NBAS: variants seen among roughly 807,000 people sequenced by gnomAD.
NBAS encodes the protein NAG/BC035112 fusion.
A neutral mutation model predicts 302.5 loss-of-function variants in NBAS; 219 were observed. The ratio of observed to expected loss-of-function variants is 0.72; its 90% CI spans 0.65 to 0.81. The LOEUF (loss-of-function observed/expected upper bound fraction) is 0.81. Among genes scored for constraint, NBAS ranks in the 30% least tolerant of loss-of-function variants. NBAS has a pLI of 0.00. For synonymous variants in NBAS, 1,118 were observed against 1,021.6 expected (o/e 1.09, Z -1.80); for missense variants, 2,932 against 2,841.6 (o/e 1.03, Z -0.72).
the NBAS span, among the ~76,000 whole-genome samples, chr2:14,950,927 C>G: frequency 1.3e-5 from 2 of 152,154 alleles, no homozygotes; most frequent in Non-Finnish European, 2.9e-5. Context: ...CTTGAAGAAA[C>G]AGCTCCCCCT....
At chr2:14,971,577 G>A in the NBAS span, among the ~76,000 whole-genome samples, 348 of 152,112 alleles carry the variant, frequency 2.3e-3, no homozygotes, top group African/African-American at 8.1e-3. Flanking sequence ...AAATCCCTTC[G>A]TTTTCCCTTT....
At chr2:15,486,636 C>T (rs571866722) in intron 12 of NBAS, among the ~76,000 whole-genome samples, 2 of 152,180 alleles carry the variant, frequency 1.3e-5, no homozygotes, top group Non-Finnish European at 2.9e-5. Context: ...TGAGGTCCCC[C>T]CCTTTCCCTT....
chr2:15,208,522 T>C (rs1035070768), intron 48 of NBAS, among the ~76,000 whole-genome samples: 4 of 152,138 alleles, frequency 2.6e-5, no homozygotes, highest in African/African-American at 4.8e-5. Flanking sequence ...CGAAGAAACA[T>C]TGGATTTAAT....
At chr2:15,254,424 T>C (rs1226285028) in intron 44 of NBAS, among the ~76,000 whole-genome samples, 1 of 152,160 alleles carries the variant, frequency 6.6e-6, no homozygotes, top group Non-Finnish European at 1.5e-5. Context: ...GGGTCTCCGT[T>C]TGTGCAGTGG....
At chr2:15,535,874 A>T (rs539033869) in intron 8 of NBAS, among the ~76,000 whole-genome samples, 1 of 152,316 alleles carries the variant, frequency 6.6e-6, no homozygotes, top group Admixed American at 6.5e-5. Context: ...CTAATCTGTG[A>T]TTTTAAAAAA....
chr2:14,794,055 A>G, the NBAS span, among the ~76,000 whole-genome samples: 1 of 152,212 alleles, frequency 6.6e-6, no homozygotes, highest in East Asian at 1.9e-4. Context: ...CTGCCTAAAA[A>G]AAATTCTTCA....
the NBAS span, among the ~76,000 whole-genome samples, chr2:14,784,175 T>C: frequency 3.3e-5 from 5 of 152,216 alleles, no homozygotes; most frequent in Non-Finnish European, 7.3e-5. Flanking sequence ...GTTGTTTTTT[T>C]CTTGTAAATT....
chr2:14,880,671 G>A, the NBAS span, among the ~76,000 whole-genome samples: 1 of 151,778 alleles, frequency 6.6e-6, no homozygotes, highest in Non-Finnish European at 1.5e-5. Context: ...AAAGAAATCT[G>A]AAAATAAGAG....
intron 21 of NBAS, among the ~76,000 whole-genome samples, chr2:15,438,430 G>A (rs1350886020): frequency 1.3e-5 from 2 of 152,282 alleles, no homozygotes; most frequent in Non-Finnish European, 2.9e-5. Flanking sequence ...CACTAAAAGA[G>A]AACTTCTGCT....
the NBAS span, among the ~76,000 whole-genome samples, chr2:14,960,974 A>C: frequency 6.6e-6 from 1 of 152,166 alleles, no homozygotes; most frequent in Non-Finnish European, 1.5e-5. Flanking sequence ...TGACAGCAGC[A>C]GACTTAAGGA....
At chr2:15,350,067 C>G (rs182010125) in intron 35 of NBAS, among the ~76,000 whole-genome samples, 29 of 151,926 alleles carry the variant, frequency 1.9e-4, no homozygotes, top group Non-Finnish European at 3.1e-4. Flanking sequence ...GGAATACACA[C>G]GCATATTAGA....
At chr2:15,209,626 C>T (rs1430202130) in intron 48 of NBAS, among the ~76,000 whole-genome samples, 2 of 152,016 alleles carry the variant, frequency 1.3e-5, no homozygotes, top group Non-Finnish European at 2.9e-5. Context: ...AAAAACAATC[C>T]TAAACTTTAT....
chr2:15,478,104 T>C (rs951481794), intron 13 of NBAS, 122 bp downstream of exon 13: 1 of 708,400 alleles, frequency 1.4e-6, no homozygotes. Flanking sequence ...CTCTATGAAA[T>C]CTTGATGTTT....
In NBAS at chr2:15,190,246, T is replaced by C. The variant is rs372815106; in HGVS notation, c.6572+18A>G. On this transcript the variant is annotated intron_variant, in intron 49 of 51. Transcript: ENST00000281513. ...AACAAAAGAACTCTAATTACGCTAA[T>C]TTTATGTTAATACTTACACATATTC... 9.0e-5 allele frequency: 145 copies of C among 1,613,416 alleles called. No homozygotes were observed. The African/African-American group carries it at 1.6e-3, about 18-fold the overall frequency.
chr2:15,012,008 T>C, the NBAS span, among the ~76,000 whole-genome samples: 1 of 151,830 alleles, frequency 6.6e-6, no homozygotes, highest in Non-Finnish European at 1.5e-5. Context: ...ACATCAAACA[T>C]GAAAAAGCAA....
At chr2:14,967,055 T>C in the NBAS span, among the ~76,000 whole-genome samples, 1 of 152,170 alleles carries the variant, frequency 6.6e-6, no homozygotes, top group Non-Finnish European at 1.5e-5. Flanking sequence ...ATTAATAGCG[T>C]AGAAATTATG....
chr2:14,784,945 C>A, the NBAS span, among the ~76,000 whole-genome samples: 6 of 152,156 alleles, frequency 3.9e-5, no homozygotes, highest in South Asian at 2.1e-4. Context: ...TTCTTCCTAC[C>A]CATGAGCATG....
intron 42 of NBAS, among the ~76,000 whole-genome samples, chr2:15,279,024 C>T (rs1471303150): frequency 6.6e-6 from 1 of 152,128 alleles, no homozygotes; most frequent in African/African-American, 2.4e-5. Flanking sequence ...ACAGTGTACA[C>T]ACAGTAGTAT....
the NBAS span, among the ~76,000 whole-genome samples, chr2:14,859,010 C>G: frequency 6.6e-6 from 1 of 151,724 alleles, no homozygotes; most frequent in African/African-American, 2.4e-5. Flanking sequence ...TTGCAAGATA[C>G]AAAATTTAGT....
Sources: gnomAD v4.1 joint callset for allele counts (sites outside exome capture counted in the v4.1 genomes callset) on GRCh38, gnomAD v4.1.1 for gene constraint, MANE v1.5 for transcripts, NCBI Gene and HGNC (gene_info 2026-07-23, HGNC 2026-07-21) for gene names.